IDE: variants seen among roughly 807,000 people sequenced by gnomAD.
The protein encoded by IDE is insulin degrading enzyme, also known as insulin-degrading enzyme.
In IDE, 58 loss-of-function variants were observed where a neutral mutation model predicts 133.2. The ratio of observed to expected loss-of-function variants is 0.44; its 90% CI spans 0.35 to 0.54. The LOEUF is 0.54. IDE is among the 20% of genes least tolerant of loss of function. The probability of loss-of-function intolerance (pLI) is 0.00; values close to 1 mark genes in which losing one functional copy is unlikely to be tolerated. For missense variants in IDE, 981 were observed against 1,234.0 expected, an observed-to-expected ratio of 0.79 and a Z score of 3.07; for synonymous variants, 396 against 421.3, an observed-to-expected ratio of 0.94 and a Z score of 0.73.
intron 4 of IDE, among the ~76,000 whole-genome samples, chr10:92,525,153 T>C (rs973341032): frequency 3.3e-5 from 5 of 151,656 alleles, no homozygotes; most frequent in Admixed American, 1.3e-4. Context: ...CTGGGGAGGC[T>C]GAGGCAAGAG....
At chr10:92,540,601 GGT>G (rs1842252769) in intron 1 of IDE, among the ~76,000 whole-genome samples, 1 of 152,108 alleles carries the variant, frequency 6.6e-6, no homozygotes. Context: ...TTTCCTCTGT[GGT>G]GCTTGACCTA....
chr10:92,513,995 T>C (rs1284313921), intron 5 of IDE, among the ~76,000 whole-genome samples: 1 of 152,170 alleles, frequency 6.6e-6, no homozygotes, highest in Non-Finnish European at 1.5e-5. Flanking sequence ...AGATATTCTA[T>C]TTGCAATTAT....
At chr10:92,474,747 T>C (rs1846156467) in intron 17 of IDE, 94 bp downstream of exon 17, 1 of 1,119,348 alleles carries the variant, frequency 8.9e-7, no homozygotes, top group Admixed American at 2.5e-5. Flanking sequence ...AACTACAAGT[T>C]ATTTAAAAGT....
At chr10:92,504,980 T>A in intron 10 of IDE, 83 bp from the exon 11 acceptor site, 1 of 672,038 alleles carries the variant, frequency 1.5e-6, no homozygotes, top group East Asian at 3.1e-5. Context: ...CACATTAAAT[T>A]CATTACTGTA....
chr10:92,566,430 C>CAA (rs1370387447), intron 1 of IDE, among the ~76,000 whole-genome samples: 1 of 151,884 alleles, frequency 6.6e-6, no homozygotes, highest in Non-Finnish European at 1.5e-5. Flanking sequence ...CACACACACA[C>CAA]ACACACACAA....
At chr10:92,573,793 G>A (rs145087520) in intron 1 of IDE, 129 bp downstream of exon 1, 14,577 of 668,514 alleles carry the variant, frequency 0.022, 181 homozygotes, top group Admixed American at 0.051. Flanking sequence ...ACGGGCCCCA[G>A]GCCGGCGGGA....
At chr10:92,509,936 A>C in intron 6 of IDE, 114 bp downstream of exon 6, 1 of 569,194 alleles carries the variant, frequency 1.8e-6, no homozygotes, top group Non-Finnish European at 3.1e-6. Flanking sequence ...AAAAAAAAAA[A>C]AAACACAACA....
chr10:92,508,293 T>C (rs1394043455), intron 7 of IDE, 88 bp from the exon 8 acceptor site: 2 of 957,192 alleles, frequency 2.1e-6, no homozygotes, highest in African/African-American at 1.7e-5. Context: ...ATACTGTATG[T>C]TCCTAAGATA....
chr10:92,469,612 G>A (rs757107692), intron 18 of IDE, among the ~76,000 whole-genome samples: 1 of 151,938 alleles, frequency 6.6e-6, no homozygotes, highest in South Asian at 2.1e-4. Flanking sequence ...ATTTTTTGTA[G>A]AGTTATGTTG....
intron 4 of IDE, among the ~76,000 whole-genome samples, chr10:92,516,480 ACT>A (rs535010346): frequency 1.1e-3 from 164 of 152,214 alleles, no homozygotes; most frequent in African/African-American, 3.6e-3. Context: ...ACAGAGTGAG[ACT>A]CTGTCTCAAA....
intron 1 of IDE, among the ~76,000 whole-genome samples, chr10:92,557,014 G>C (rs952687511): frequency 1.3e-5 from 2 of 151,972 alleles, no homozygotes; most frequent in African/African-American, 4.8e-5. Flanking sequence ...TCATGGATGG[G>C]AAGACAGTAT....
intron 11 of IDE, among the ~76,000 whole-genome samples, chr10:92,492,774 C>A (rs1411820661): frequency 6.6e-6 from 1 of 152,186 alleles, no homozygotes; most frequent in African/African-American, 2.4e-5. Flanking sequence ...GAATCCCAAT[C>A]TCTGTTCCAA....
intron 1 of IDE, among the ~76,000 whole-genome samples, chr10:92,567,442 TTTCC>T (rs1843608325): frequency 1.3e-5 from 2 of 152,330 alleles, no homozygotes; most frequent in East Asian, 3.9e-4. Flanking sequence ...GACACTCTTC[TTTCC>T]TTGTCATTTG....
intron 8 of IDE, 36 bp from the exon 9 acceptor site, chr10:92,507,702 C>T: frequency 9.1e-7 from 1 of 1,103,824 alleles, no homozygotes; most frequent in South Asian, 1.2e-5. Context: ...ACCATTCAGT[C>T]CTTGAATCCT....
intron 1 of IDE, among the ~76,000 whole-genome samples, chr10:92,556,421 G>T (rs370454265): frequency 6.6e-6 from 1 of 151,932 alleles, no homozygotes; most frequent in Non-Finnish European, 1.5e-5. Flanking sequence ...TCAGGAGTTC[G>T]AGACCAGCCT....
intron 1 of IDE, among the ~76,000 whole-genome samples, chr10:92,555,199 A>G (rs1008663774): frequency 1.3e-5 from 2 of 152,190 alleles, no homozygotes; most frequent in Non-Finnish European, 2.9e-5. Flanking sequence ...GTGATGATAT[A>G]GAAAATCACA....
At chr10:92,508,622 G>T in intron 7 of IDE, 106 bp downstream of exon 7, 1 of 961,920 alleles carries the variant, frequency 1.0e-6, no homozygotes, top group Non-Finnish European at 1.6e-6. Flanking sequence ...AACCCAAAAT[G>T]GTCACATCTA....
chr10:92,509,085 A>G (rs1376986157), intron 6 of IDE, among the ~76,000 whole-genome samples, 195 bp from the exon 7 acceptor site: 1 of 152,220 alleles, frequency 6.6e-6, no homozygotes, highest in African/African-American at 2.4e-5. Flanking sequence ...CAGTCGGTAT[A>G]TAGTCCATGT....
At chr10:92,468,310 A>G (rs867666894) in intron 19 of IDE, among the ~76,000 whole-genome samples, 20 of 152,336 alleles carry the variant, frequency 1.3e-4, no homozygotes, top group African/African-American at 4.6e-4. Flanking sequence ...TATACCTTCT[A>G]TTACACAGTT....
Sources: allele counts gnomAD v4.1 joint callset (sites outside exome capture counted in the v4.1 genomes callset), GRCh38; gene constraint gnomAD v4.1.1; transcripts MANE v1.5; gene names NCBI Gene and HGNC (gene_info 2026-07-23, HGNC 2026-07-21).